CGGBP1: variants seen among roughly 807,000 people sequenced by gnomAD.
The protein encoded by CGGBP1 is CGG triplet repeat binding protein 1.
Under a neutral mutation model 11.4 loss-of-function variants are expected in CGGBP1, and 4 were observed. That is an observed-to-expected ratio of 0.35 (90% CI 0.17 to 0.80). The LOEUF (loss-of-function observed/expected upper bound fraction) is 0.80, where lower values mean the gene tolerates loss of function less well. Among genes scored for constraint, CGGBP1 ranks in the 30% least tolerant of loss-of-function variants. The probability of loss-of-function intolerance (pLI) is 0.52; values close to 1 mark genes in which losing one functional copy is unlikely to be tolerated. For synonymous variants in CGGBP1, 76 were observed against 74.1 expected, an observed-to-expected ratio of 1.03 and a Z score of -0.13; for missense variants, 135 against 202.1, an observed-to-expected ratio of 0.67 and a Z score of 2.01.
chr3:88,062,744 C>T (rs1371307977), upstream of CGGBP1, among the ~76,000 whole-genome samples: 5 of 152,100 alleles, frequency 3.3e-5, no homozygotes, highest in African/African-American at 7.2e-5. Context: ...AAAATTATTT[C>T]ATACTACAGT....
exon 1 of CGGBP1, chr3:88,149,717 C>T (rs867319956): frequency 1.1e-5 from 2 of 175,694 alleles, no homozygotes; most frequent in Non-Finnish European, 2.4e-5. Context: ...GCACCTGCAC[C>T]TGCGCAGCCC....
chr3:88,072,013 C>T (rs1707544366), intron 2 of CGGBP1, among the ~76,000 whole-genome samples: 2 of 152,102 alleles, frequency 1.3e-5, no homozygotes, highest in African/African-American at 2.4e-5. Context: ...GTTGAATATC[C>T]TTAGATATCT....
chr3:88,059,480 G>T (rs1438510662), upstream of CGGBP1: 12 of 1,512,992 alleles, frequency 7.9e-6, no homozygotes, highest in Non-Finnish European at 1.1e-5. Flanking sequence ...ATCAGCAGTC[G>T]GGATTACTGC....
intron 2 of CGGBP1, among the ~76,000 whole-genome samples, chr3:88,083,043 C>G (rs1708161552): frequency 1.3e-5 from 2 of 151,752 alleles, no homozygotes. Flanking sequence ...CTCCTCCTCA[C>G]TCCTCCTCCC....
At chr3:88,102,279 G>A (rs1293862523) in intron 2 of CGGBP1, among the ~76,000 whole-genome samples, 1 of 152,052 alleles carries the variant, frequency 6.6e-6, no homozygotes, top group East Asian at 1.9e-4. Context: ...CCACTATTGT[G>A]TTTTCTTCAG....
At chr3:88,104,868 G>C (rs1306416134) in intron 2 of CGGBP1, among the ~76,000 whole-genome samples, 1 of 152,258 alleles carries the variant, frequency 6.6e-6, no homozygotes, top group African/African-American at 2.4e-5. Flanking sequence ...TCCAGGCACA[G>C]TGGCTTACGC....
chr3:88,055,490 TGAG>T lies in CGGBP1; in HGVS notation c.484_486del (p.Leu162del), dbSNP rs1706520699. The T allele has an allele frequency of 1.3e-6, 2 of 1,523,468 alleles. No homozygotes were observed. 94.4% of individuals were successfully genotyped at this position (1,523,468 alleles called of 1,614,324 possible). A position where few individuals can be genotyped will look rare whatever the true frequency, so the allele number is the denominator to read the frequency against. On this transcript the variant is annotated inframe_deletion, in exon 4 of 4. Coordinates refer to ENST00000482016, the MANE Select transcript of CGGBP1 (RefSeq NM_001008390.2). The surrounding 1 kb of genome is among the most constrained non-coding windows in gnomAD (Gnocchi z 4.2). ...CCTCCTAGTCAACAATCTTGTGAGT[TGAG>T]GAGTTGATTCTCATTCTCATATCCA...
chr3:88,079,227 CTT>C (rs1375608687), intron 2 of CGGBP1, among the ~76,000 whole-genome samples: 3 of 152,012 alleles, frequency 2.0e-5, no homozygotes, highest in Non-Finnish European at 4.4e-5. Flanking sequence ...TGACTGAAGT[CTT>C]ATGTTCCATA....
chr3:88,065,835 TC>T, intron 2 of CGGBP1, among the ~76,000 whole-genome samples: 1 of 152,148 alleles, frequency 6.6e-6, no homozygotes, highest in Non-Finnish European at 1.5e-5. Context: ...AAAGCGCTTC[TC>T]AGCACCCATC....
intron 2 of CGGBP1, among the ~76,000 whole-genome samples, chr3:88,080,264 A>G (rs945364340): frequency 2.0e-5 from 3 of 152,114 alleles, no homozygotes; most frequent in Admixed American, 1.3e-4. Flanking sequence ...GTTGTAATTA[A>G]TCATACTTGG....
chr3:88,077,664 GAAAGATAAA>G (rs1400549823), intron 2 of CGGBP1, among the ~76,000 whole-genome samples: 11 of 145,058 alleles, frequency 7.6e-5, no homozygotes, highest in Non-Finnish European at 1.5e-4. Flanking sequence ...TAACACATAG[GAAAGATAAA>G]TGAAACATGC....
chr3:88,109,142 AGTGTGTGTGTGTGTGTGT>A (rs35595112), intron 2 of CGGBP1, among the ~76,000 whole-genome samples: 5 of 142,530 alleles, frequency 3.5e-5, no homozygotes, highest in African/African-American at 1.0e-4. Flanking sequence ...AGTGGGCACT[AGTGTGTGTGTGTGTGTGT>A]GTGTGTGTGT....
At chr3:88,119,433 C>T (rs1705632607) in intron 2 of CGGBP1, among the ~76,000 whole-genome samples, 3 of 143,424 alleles carry the variant, frequency 2.1e-5, no homozygotes, top group South Asian at 4.6e-4. Context: ...GGGAGATATA[C>T]CTAATGCTAG....
chr3:88,139,988 C>T (rs750447030), intron 2 of CGGBP1: 21 of 1,613,522 alleles, frequency 1.3e-5, no homozygotes, highest in East Asian at 2.2e-5. Flanking sequence ...TACATCCAAC[C>T]GATTTAAATG....
chr3:88,134,186 C>T (rs748115660), intron 2 of CGGBP1, among the ~76,000 whole-genome samples: 31 of 151,724 alleles, frequency 2.0e-4, no homozygotes, highest in Admixed American at 3.9e-4. Flanking sequence ...GGTTTTACTA[C>T]TCATATGTTG....
intron 2 of CGGBP1, among the ~76,000 whole-genome samples, chr3:88,103,773 T>C (rs1343260943): frequency 6.8e-6 from 1 of 147,920 alleles, no homozygotes; most frequent in African/African-American, 2.5e-5. Flanking sequence ...TTTTTTTTTT[T>C]TTTTTTTTTT....
chr3:88,080,044 CAA>C, intron 2 of CGGBP1, among the ~76,000 whole-genome samples: 1 of 151,256 alleles, frequency 6.6e-6, no homozygotes, highest in East Asian at 1.9e-4. Context: ...TTTTTCCAAA[CAA>C]TTTATCTTTT....
intron 3 of CGGBP1, 140 bp from the exon 4 acceptor site, chr3:88,056,139 C>A: frequency 1.6e-6 from 1 of 609,782 alleles, no homozygotes; most frequent in Non-Finnish European, 2.7e-6. Flanking sequence ...GTCTATTAAT[C>A]TTAACTTACC....
At chr3:88,077,223 T>G (rs1444272714) in intron 2 of CGGBP1, among the ~76,000 whole-genome samples, 1 of 152,184 alleles carries the variant, frequency 6.6e-6, no homozygotes, top group Non-Finnish European at 1.5e-5. Flanking sequence ...TTGTTTAGCC[T>G]TCTCAACTCA....
Sources: gnomAD v4.1 joint callset for allele counts (sites outside exome capture counted in the v4.1 genomes callset) on GRCh38, gnomAD v4.1.1 for gene constraint, Gnocchi (gnomAD v3.1) non-coding constraint, MANE v1.5 for transcripts, NCBI Gene and HGNC (gene_info 2026-07-23, HGNC 2026-07-21) for gene names.